The following MNT variants were observed in gnomAD, a reference collection of about 807,000 sequenced individuals.
MNT encodes max-binding protein MNT.
In MNT, 13 loss-of-function variants were observed where a neutral mutation model predicts 40.7. The observed-to-expected ratio is 0.32, with a 90% CI of 0.21 to 0.51. The LOEUF is 0.51. Ranked by LOEUF, MNT falls within the 20% of genes least tolerant of loss-of-function variation. The probability of loss-of-function intolerance (pLI) is 0.98; values close to 1 mark genes in which losing one functional copy is unlikely to be tolerated. For missense variants in MNT, 757 were observed against 792.0 expected (o/e 0.96, Z 0.53); for synonymous variants, 426 against 354.8 (o/e 1.20, Z -2.26).
At chr17:2,390,857 C>G (rs918539843) in intron 4 of MNT, 1 of 152,260 alleles carries the variant, frequency 6.6e-6, no homozygotes, top group Non-Finnish European at 1.5e-5. Flanking sequence ...GGCCTGAAAC[C>G]TGGCAGCTTG....
intron 1 of MNT, among the ~76,000 whole-genome samples, chr17:2,399,956 C>G (rs1387551730): frequency 1.3e-5 from 2 of 152,228 alleles, no homozygotes; most frequent in African/African-American, 2.4e-5. Flanking sequence ...ACCCAAACCC[C>G]GGACGCGCAG....
chr17:2,395,380 C>T lies in MNT; in HGVS notation c.148G>A (p.Ala50Thr). Residue 50 changes from alanine (A) to threonine (T), a missense_variant, in exon 2 of 6, where the codon GCA (alanine) becomes ACA (threonine). Around this residue, in one of 4 missense-constraint regions of MNT, gnomAD observed 335 missense variants for 291.4 expected, o/e 1.15. Transcript: ENST00000174618. ...GGTTCCTCCACAGGAAGGGTATGTG[C>T]CAGCCTGGCCAGGCTATTGGCCTTC... The part of the protein sequence containing the change: ...QKKANSLARL[A>T]HTLPVEEPRM... The T allele has an allele frequency of 6.2e-7, 1 of 1,613,580 alleles. No homozygotes were observed. Among genetic ancestry groups the T allele is most frequent in the Admixed American group, 1.7e-5 (1 of 60,002 alleles).
At chr17:2,396,132 C>A (rs1450913017) in intron 1 of MNT, among the ~76,000 whole-genome samples, 2 of 152,150 alleles carry the variant, frequency 1.3e-5, no homozygotes, top group Non-Finnish European at 2.9e-5. Context: ...CCCCACGTCA[C>A]ATCATGGGCA....
rs752173068 is a variant in MNT at position 2,395,436 on chromosome 17, C to G, written c.92G>C (p.Arg31Pro). 17 of 1,612,266 alleles carry G rather than the reference C, an allele frequency of 1.1e-5. No individual in the cohort carries two copies. Among genetic ancestry groups the G allele is most frequent in the South Asian group, 2.2e-5 (2 of 91,064 alleles). ...QRAREEQERLRLEQEREQEQK... is the reference protein window; with the variant it reads ...QRAREEQERLPLEQEREQEQK... ...TTCCTGCTCTCGCTCCTGCTCCAAG[C>G]GAAGCCGCTCCTGCTCCTCTACACA... The change falls in exon 2 of 6, where the codon CGC (arginine) becomes CCC (proline). Residue 31 changes from arginine to proline, a missense_variant. Around this residue, in one of 4 missense-constraint regions of MNT, gnomAD observed 335 missense variants for 291.4 expected, o/e 1.15. Transcript: ENST00000174618.
chr17:2,389,540 GC>G (rs1343990901), intron 4 of MNT: 1 of 152,304 alleles, frequency 6.6e-6, no homozygotes, highest in Non-Finnish European at 1.5e-5. Context: ...TTCCGAAAGT[GC>G]TGGGATTACA....
At position 2,387,478 on chromosome 17, in the gene MNT, A is replaced by G. The variant is rs1259076973; in HGVS notation, c.1172T>C (p.Leu391Pro). 3 of 1,611,030 alleles carry G rather than the reference A, an allele frequency of 1.9e-6. No homozygotes were observed. The highest frequency in any genetic ancestry group is 2.5e-6 in the Non-Finnish European group (3 of 1,178,946). Residue 391 changes from leucine to proline, a missense_variant, in exon 6 of 6, where the codon CTA becomes CCA. Physicochemically the swap from Leu to Pro is moderately conservative, Grantham distance 98. Transcript: ENST00000174618. ...CTGCACGGGGAGGTGGGCAGGAGGT[A>G]GGGCCACGGAGTGGGGGTGAGGGTG... ...HPHPHPHSVA[L>P]PPAHLPVQQQ...
chr17:2,389,889 A>C (rs3803811), intron 4 of MNT: 13,475 of 152,448 alleles, frequency 0.088, 782 homozygotes, highest in African/African-American at 0.15. Context: ...GCGGTGGGTC[A>C]CAGATTGGCT....
chr17:2,394,265 G>GCGCGCACA, intron 3 of MNT, 40 bp downstream of exon 3: 1 of 1,487,000 alleles, frequency 6.7e-7, no homozygotes, highest in South Asian at 1.3e-5. Context: ...GGTCGCGCGC[G>GCGCGCACA]CACGCACGCA....
Position 2,386,681 on chromosome 17 carries a change from T to G in MNT, c.*220A>C. 4.3e-6 allele frequency: 2 copies of G among 468,006 alleles called. No homozygotes were observed. The highest frequency in any genetic ancestry group is 4.9e-5 in the South Asian group (1 of 20,380). The allele number at this position is 468,006 out of a possible 1,614,324, so 29.0% of individuals were successfully genotyped here. On this transcript the variant is annotated 3_prime_UTR_variant, in exon 6 of 6. Transcript: ENST00000174618. ...GGACAGGTGGCACATTCCATCAGAG[T>G]CTCGCATTTTCTCAGAGTCATCTTA...
In MNT at chr17:2,394,956, G is replaced by A. The variant is rs1225520687; in HGVS notation, c.572C>T (p.Pro191Leu). 2 of 1,607,290 alleles carry A rather than the reference G, an allele frequency of 1.2e-6. No individual in the cohort carries two copies. Among genetic ancestry groups the A allele is most frequent in the African/African-American group, 2.7e-5 (2 of 74,838 alleles). ...GVQPQLAPQQPPPPTLGTLKL... is the reference protein window; with the variant it reads ...GVQPQLAPQQLPPPTLGTLKL... ...CAGGGTCCCCAGCGTGGGTGGGGGCGGCTGCTGGGGGGCCAGCTGAGGCTG... is the reference window on the plus strand; with the variant it reads ...CAGGGTCCCCAGCGTGGGTGGGGGCAGCTGCTGGGGGGCCAGCTGAGGCTG... Residue 191 changes from proline to leucine, a missense_variant, in exon 2 of 6, where the codon CCG (proline) becomes CTG (leucine). Transcript: ENST00000174618.
At chr17:2,391,311 T>G (rs1484023123) in intron 4 of MNT, 1 of 152,340 alleles carries the variant, frequency 6.6e-6, no homozygotes. Context: ...TTCACCTGGC[T>G]CTGAGGCTCT....
intron 1 of MNT, among the ~76,000 whole-genome samples, chr17:2,399,832 C>A (rs1374278317): frequency 1.3e-5 from 2 of 152,184 alleles, no homozygotes; most frequent in African/African-American, 2.4e-5. Context: ...GTTTGGAACG[C>A]GCAGACACGC....
intron 1 of MNT, chr17:2,400,319 G>A (rs1235588046): frequency 6.9e-6 from 2 of 288,584 alleles, no homozygotes; most frequent in South Asian, 4.3e-5. Context: ...CCACCCCCCG[G>A]CTCACACATC....
Position 2,387,609 on chromosome 17 carries a change from C to A in MNT, c.1041G>T (p.Arg347=). 6.2e-7 allele frequency: 1 copy of A among 1,614,090 alleles called. No homozygotes were observed. Among genetic ancestry groups the A allele is most frequent in the Non-Finnish European group, 8.5e-7 (1 of 1,179,992 alleles). The stretch of plus-strand genomic sequence containing the variant: ...TCAGCTTAGGTGGGCCCAGGCCCGC[C>A]CGGTCCTCCTCCATATCCTCGTCTA... The part of the protein sequence containing the change: ...DNIDEDMEED[R]AGLGPPKLSH... The change falls in exon 6 of 6, where the codon CGG becomes CGT. Residue 347 remains arginine, a synonymous_variant. Coordinates refer to ENST00000174618, the MANE Select transcript of MNT (RefSeq NM_020310.3).
In MNT at chr17:2,394,966, G is replaced by C; in HGVS notation, c.562C>G (p.Pro188Ala). The C allele has an allele frequency of 1.2e-6, 2 of 1,607,554 alleles. No homozygotes were observed. Reference protein sequence around the residue: ...PHPGVQPQLAPQQPPPPTLGT... With the variant: ...PHPGVQPQLAAQQPPPPTLGT... ...AGCGTGGGTGGGGGCGGCTGCTGGG[G>C]GGCCAGCTGAGGCTGGACTCCAGGG... is the stretch of plus-strand genomic sequence containing the variant. The change falls in exon 2 of 6, where the codon CCC becomes GCC. Residue 188 changes from proline (P) to alanine (A), a missense_variant. Transcript: ENST00000174618.
chr17:2,393,818 G>A (rs897646729), intron 4 of MNT: 2 of 232,846 alleles, frequency 8.6e-6, no homozygotes, highest in Middle Eastern at 1.3e-3. Context: ...AGGGGCTCGG[G>A]AGCGGCGCGG....
chr17:2,387,896 G>A lies in MNT; in HGVS notation c.961C>T (p.Gln321Ter). The A allele has an allele frequency of 6.2e-7, 1 of 1,604,542 alleles. No homozygotes were observed. Among genetic ancestry groups the A allele is most frequent in the Non-Finnish European group, 8.5e-7 (1 of 1,179,060 alleles). The change falls in exon 5 of 6, where the codon CAG becomes TAG. Residue 321 changes from glutamine to a stop codon, truncating the protein, a stop_gained. Transcript: ENST00000174618. LOFTEE classifies it high-confidence loss of function. ...GTGGAGGCCTGGTCATCCTCGGGCT[G>A]GCCCGTCTGCCGCAGCACGCGGTCA... ...EIDRVLRQTG[Q>*]PEDDQASTST...
intron 4 of MNT, chr17:2,389,808 A>C (rs1441662360): frequency 6.6e-6 from 1 of 152,406 alleles, no homozygotes; most frequent in Non-Finnish European, 1.5e-5. Context: ...GGCACTGAGG[A>C]AAAATGGGGC....
intron 4 of MNT, chr17:2,391,797 G>A (rs909662105): frequency 4.3e-4 from 66 of 152,426 alleles, no homozygotes; most frequent in African/African-American, 1.5e-3. Flanking sequence ...ACAGCCTCCT[G>A]ACCATGTTTG....
Sources: allele counts gnomAD v4.1 joint callset (sites outside exome capture counted in the v4.1 genomes callset), GRCh38; gene constraint gnomAD v4.1.1; regional missense constraint gnomAD v4.1.1; transcripts MANE v1.5; gene names NCBI Gene and HGNC (gene_info 2026-07-23, HGNC 2026-07-21).